Variants in BNC2 observed in about 807,000 individuals in gnomAD.
BNC2 encodes the protein basonuclin zinc finger protein 2.
BNC2 carries 20 observed loss-of-function variants against 76.3 expected under a neutral mutation model. The ratio of observed to expected loss-of-function variants is 0.26; its 90% CI spans 0.18 to 0.38. The LOEUF (loss-of-function observed/expected upper bound fraction) is 0.38, where lower values mean the gene tolerates loss of function less well. BNC2 is among the 10% of genes least tolerant of loss of function. The pLI, the probability that BNC2 is intolerant of heterozygous loss-of-function variation, is 1.00. For missense variants in BNC2, 1,382 were observed against 1,399.8 expected, an observed-to-expected ratio of 0.99 and a Z score of 0.20; for synonymous variants, 582 against 514.8, an observed-to-expected ratio of 1.13 and a Z score of -1.77.
chr9:16,703,434 T>C (rs1262691869), intron 3 of BNC2, among the ~76,000 whole-genome samples: 1 of 152,152 alleles, frequency 6.6e-6, no homozygotes, highest in African/African-American at 2.4e-5. Flanking sequence ...ACTATCATCA[T>C]GTTACTAGAC....
At chr9:16,685,651 G>C (rs771751701) in intron 3 of BNC2, 4 of 1,299,262 alleles carry the variant, frequency 3.1e-6, no homozygotes. Context: ...AGCCACGTTA[G>C]ATGCTGTGTA....
chr9:16,735,094 T>A (rs1247236612), intron 2 of BNC2, among the ~76,000 whole-genome samples: 2 of 152,104 alleles, frequency 1.3e-5, no homozygotes, highest in Non-Finnish European at 2.9e-5. Flanking sequence ...AATTTTAAAA[T>A]AAAAGGATTT....
chr9:16,485,658 A>G (rs1003185548), intron 5 of BNC2, among the ~76,000 whole-genome samples: 2 of 152,172 alleles, frequency 1.3e-5, no homozygotes, highest in Non-Finnish European at 2.9e-5. Flanking sequence ...TGTCTCTACA[A>G]AAAGATTTTT....
intron 5 of BNC2, among the ~76,000 whole-genome samples, chr9:16,492,236 C>T (rs1822294338): frequency 6.6e-6 from 1 of 151,994 alleles, no homozygotes; most frequent in Non-Finnish European, 1.5e-5. Flanking sequence ...TGATTCTACA[C>T]TCAACCTATT....
At chr9:16,532,388 T>A (rs774386468) in intron 5 of BNC2, among the ~76,000 whole-genome samples, 3 of 152,122 alleles carry the variant, frequency 2.0e-5, no homozygotes, top group African/African-American at 7.2e-5. Flanking sequence ...CCAGGTGGTG[T>A]TTAGTAATGT....
chr9:16,788,182 G>A (rs73646254), intron 1 of BNC2, among the ~76,000 whole-genome samples: 4,478 of 152,178 alleles, frequency 0.029, 217 homozygotes, highest in African/African-American at 0.1. Context: ...AGCTATCTCC[G>A]CAGATATTTT....
In BNC2 at chr9:16,782,283, CA is replaced by C. The variant is rs1826175346; in HGVS notation, c.4-43799del. The stretch of plus-strand genomic sequence containing the variant: ...CTGGTGACAGAGCAAGACTCTGTCT[CA>C]AAAAAATAATAATAATGATAATAAT... On this transcript the variant is annotated intron_variant, in intron 1 of 6. Transcript: ENST00000380672. 1.1e-4 allele frequency among the ~76,000 whole-genome samples: 17 copies of C among 150,084 alleles called. No homozygotes were observed. The South Asian group carries it at 3.6e-3, about 32-fold the overall frequency.
intron 4 of BNC2, chr9:16,579,870 T>C: frequency 2.7e-6 from 1 of 375,370 alleles, no homozygotes; most frequent in Non-Finnish European, 4.7e-6. Flanking sequence ...ATACATGATT[T>C]TGGCATTTGG....
At chr9:16,814,670 T>C (rs1295223172) in intron 1 of BNC2, among the ~76,000 whole-genome samples, 1 of 152,166 alleles carries the variant, frequency 6.6e-6, no homozygotes, top group African/African-American at 2.4e-5. Context: ...AGATATCAGC[T>C]AGATACTGTT....
intron 3 of BNC2, among the ~76,000 whole-genome samples, chr9:16,610,142 G>A (rs1041584711): frequency 3.9e-5 from 1 of 25,908 alleles, no homozygotes; most frequent in Admixed American, 5.5e-4. Context: ...AAAAGGGGTG[G>A]CAAAAACTGG....
chr9:16,851,470 C>T (rs1819125587), intron 1 of BNC2, among the ~76,000 whole-genome samples: 3 of 152,176 alleles, frequency 2.0e-5, no homozygotes. Context: ...CATGCCACTA[C>T]ACTCCAGCCT....
chr9:16,818,783 AC>A (rs1159710698), intron 1 of BNC2, among the ~76,000 whole-genome samples: 1 of 152,062 alleles, frequency 6.6e-6, no homozygotes, highest in Non-Finnish European at 1.5e-5. Context: ...CACCTCAACC[AC>A]CCAAGTAGCT....
At chr9:16,864,948 G>C (rs940601195) in intron 1 of BNC2, among the ~76,000 whole-genome samples, 6 of 150,592 alleles carry the variant, frequency 4.0e-5, no homozygotes, top group African/African-American at 1.2e-4. Flanking sequence ...AGCAGAGAAA[G>C]GACAGCACAT....
At chr9:16,573,377 C>T (rs1474715726) in intron 4 of BNC2, among the ~76,000 whole-genome samples, 1 of 152,114 alleles carries the variant, frequency 6.6e-6, no homozygotes, top group Non-Finnish European at 1.5e-5. Flanking sequence ...AAGAACAACT[C>T]TTAATGACTA....
At chr9:16,793,860 G>GT (rs377349585) in intron 1 of BNC2, among the ~76,000 whole-genome samples, 47,702 of 96,850 alleles carry the variant, frequency 0.49, 15,808 homozygotes, top group Non-Finnish European at 0.72. Context: ...TGTGGTTTTT[G>GT]TTTTTTTGTT....
rs891343898 is a variant in BNC2, at chr9:16,418,015, C to T, written c.*974G>A. 1.3e-5 allele frequency: 2 copies of T among 152,604 alleles called. No homozygotes were observed. The highest frequency in any genetic ancestry group is 4.8e-5 in the African/African-American group (2 of 41,416). The allele number at this position is 152,604 out of a possible 1,614,324, so 9.5% of individuals were successfully genotyped here. A position where few individuals can be genotyped will look rare whatever the true frequency, so the allele number is the denominator to read the frequency against. On this transcript the variant is annotated 3_prime_UTR_variant, in exon 7 of 7. Coordinates refer to ENST00000380672, the MANE Select transcript of BNC2 (RefSeq NM_017637.6). ...CAAAGTTGGCAGTTTTGTGTTAACACTAATACTTTGTTTGGCATTTGTGCC... is the reference window on the plus strand; with the variant it reads ...CAAAGTTGGCAGTTTTGTGTTAACATTAATACTTTGTTTGGCATTTGTGCC...
At chr9:16,551,449 A>T (rs560453384) in intron 5 of BNC2, among the ~76,000 whole-genome samples, 32 of 152,354 alleles carry the variant, frequency 2.1e-4, no homozygotes, top group Admixed American at 3.9e-4. Flanking sequence ...CTGGCAGCTA[A>T]TGCCCTTCAT....
At chr9:16,498,005 G>GTGTT (rs1297624806) in intron 5 of BNC2, among the ~76,000 whole-genome samples, 2 of 132,864 alleles carry the variant, frequency 1.5e-5, no homozygotes, top group Non-Finnish European at 3.0e-5. Context: ...GTGTGTGTGT[G>GTGTT]TGTGTGTGTG....
At chr9:16,533,523 G>A (rs1032233598) in intron 5 of BNC2, among the ~76,000 whole-genome samples, 1 of 152,102 alleles carries the variant, frequency 6.6e-6, no homozygotes, top group African/African-American at 2.4e-5. Flanking sequence ...AAAATTTAGG[G>A]ATAAGTTACT....
Sources: allele counts gnomAD v4.1 joint callset (sites outside exome capture counted in the v4.1 genomes callset), GRCh38; gene constraint gnomAD v4.1.1; transcripts MANE v1.5; gene names NCBI Gene and HGNC (gene_info 2026-07-23, HGNC 2026-07-21).